The following MARCHF1 variants were observed in gnomAD, a reference collection of about 807,000 sequenced individuals.
MARCHF1 encodes membrane associated ring-CH-type finger 1, also known as E3 ubiquitin-protein ligase MARCHF1.
Under a neutral mutation model 54.2 loss-of-function variants are expected in MARCHF1, and 40 were observed. That is an observed-to-expected ratio of 0.74 (90% CI 0.57 to 0.96). MARCHF1 has a LOEUF of 0.96. MARCHF1 is among the 40% of genes least tolerant of loss of function. The pLI is 0.00. For synonymous variants in MARCHF1, 236 were observed against 236.3 expected (o/e 1.00, Z 0.01); for missense variants, 586 against 656.5 (o/e 0.89, Z 1.17).
chr4:164,112,541 T>C (rs570147684), intron 1 of MARCHF1, among the ~76,000 whole-genome samples: 2 of 152,068 alleles, frequency 1.3e-5, no homozygotes, highest in South Asian at 4.1e-4. Context: ...AGAGAAAACA[T>C]GACATTTTCA....
chr4:163,689,940 T>C (rs1469679141), intron 5 of MARCHF1, among the ~76,000 whole-genome samples: 1 of 152,206 alleles, frequency 6.6e-6, no homozygotes, highest in Non-Finnish European at 1.5e-5. Context: ...CCTGCCAGTG[T>C]TTCTTACTAT....
intron 4 of MARCHF1, among the ~76,000 whole-genome samples, chr4:163,845,704 G>A (rs1749466026): frequency 6.6e-6 from 1 of 152,098 alleles, no homozygotes; most frequent in African/African-American, 2.4e-5. Flanking sequence ...TTGATAAAGA[G>A]CAGCTGTGAA....
At chr4:163,776,556 T>C (rs920460812) in intron 4 of MARCHF1, among the ~76,000 whole-genome samples, 5 of 152,084 alleles carry the variant, frequency 3.3e-5, no homozygotes. Flanking sequence ...CATTTTGCCT[T>C]TGGTAATATA....
At chr4:164,031,708 T>C (rs1296811652) in intron 2 of MARCHF1, among the ~76,000 whole-genome samples, 1 of 152,204 alleles carries the variant, frequency 6.6e-6, no homozygotes, top group Non-Finnish European at 1.5e-5. Flanking sequence ...ATAAGCTTTG[T>C]GATGTGCTGC....
chr4:164,381,715 G>A (rs778810271), intron 1 of MARCHF1, among the ~76,000 whole-genome samples: 4 of 152,202 alleles, frequency 2.6e-5, no homozygotes, highest in Non-Finnish European at 4.4e-5. Flanking sequence ...TCAGAAGCTC[G>A]TACGTTCATA....
intron 1 of MARCHF1, chr4:164,330,209 C>A (rs1478270134): frequency 1.3e-5 from 2 of 151,824 alleles, no homozygotes; most frequent in Non-Finnish European, 2.9e-5. Context: ...AAGAAAAGGC[C>A]TTTTCACCTG....
intron 4 of MARCHF1, among the ~76,000 whole-genome samples, chr4:163,772,622 C>T (rs1027208470): frequency 7.9e-5 from 12 of 152,210 alleles, no homozygotes; most frequent in African/African-American, 2.9e-4. Context: ...TGCCATGTGG[C>T]ACCCTCCATC....
At chr4:163,646,213 A>G (rs1257055146) in intron 5 of MARCHF1, among the ~76,000 whole-genome samples, 1 of 151,674 alleles carries the variant, frequency 6.6e-6, no homozygotes, top group African/African-American at 2.4e-5. Context: ...GGAGGGAGTG[A>G]GATGTTATAT....
intron 1 of MARCHF1, among the ~76,000 whole-genome samples, chr4:164,378,522 A>T (rs1182789601): frequency 6.6e-6 from 1 of 152,208 alleles, no homozygotes; most frequent in Non-Finnish European, 1.5e-5. Context: ...CACCAGTAGA[A>T]GTTCAAGACA....
At chr4:164,219,056 G>C (rs6822326) in intron 1 of MARCHF1, among the ~76,000 whole-genome samples, 1 of 151,822 alleles carries the variant, frequency 6.6e-6, no homozygotes, top group African/African-American at 2.4e-5. Flanking sequence ...GTTCTTCCTC[G>C]AGAAATACAA....
At position 163,536,690 on chromosome 4, in the gene MARCHF1, C is replaced by A. The variant is rs547089080; in HGVS notation, c.1340-7644G>T. Among the ~76,000 whole-genome samples the A allele has an allele frequency of 2.0e-5, 3 of 152,206 alleles. No homozygotes were observed. In the South Asian group the frequency reaches 6.2e-4, roughly 32 times the overall value. On this transcript the variant is annotated intron_variant, in intron 9 of 9. Transcript: ENST00000514618. Reference sequence around the variant, plus strand: ...ATGGTAGACAATCTAAAGAAAAGTCCACTCAAGTTTCACCTCTCTTTCCAG... The same window carrying A: ...ATGGTAGACAATCTAAAGAAAAGTCAACTCAAGTTTCACCTCTCTTTCCAG...
intron 1 of MARCHF1, among the ~76,000 whole-genome samples, chr4:164,193,303 C>T (rs768106302): frequency 1.1e-4 from 16 of 151,894 alleles, no homozygotes; most frequent in Non-Finnish European, 2.2e-4. Context: ...CATGACTATT[C>T]TTCTGCTTGT....
At chr4:164,010,385 CTG>C (rs1266399248) in intron 2 of MARCHF1, among the ~76,000 whole-genome samples, 1 of 151,984 alleles carries the variant, frequency 6.6e-6, no homozygotes, top group African/African-American at 2.4e-5. Context: ...GAGTGAGCCA[CTG>C]TGCCCGGCCA....
At chr4:164,074,180 A>T (rs1385021790) in intron 2 of MARCHF1, among the ~76,000 whole-genome samples, 1 of 152,180 alleles carries the variant, frequency 6.6e-6, no homozygotes, top group Non-Finnish European at 1.5e-5. Flanking sequence ...CAACCTTCCC[A>T]TGCCAATAAC....
chr4:164,356,774 G>GCAAAAAAAAAAAAAA (rs1730556749), intron 1 of MARCHF1, among the ~76,000 whole-genome samples: 4 of 78,306 alleles, frequency 5.1e-5, no homozygotes, highest in Non-Finnish European at 7.3e-5. Flanking sequence ...AAAAAAAAAA[G>GCAAAAAAAAAAAAAA]AAAAGCAAAA....
chr4:163,601,467 G>A (rs1295984763), intron 7 of MARCHF1, among the ~76,000 whole-genome samples: 1 of 151,646 alleles, frequency 6.6e-6, no homozygotes, highest in Non-Finnish European at 1.5e-5. Flanking sequence ...ATTAAAGGAA[G>A]CACATAGTTC....
intron 3 of MARCHF1, among the ~76,000 whole-genome samples, chr4:163,929,993 AT>A (rs552266268): frequency 0.11 from 14,200 of 129,590 alleles, 905 homozygotes; most frequent in Non-Finnish European, 0.13. Flanking sequence ...TATATATATA[AT>A]ATATTATATA....
intron 7 of MARCHF1, among the ~76,000 whole-genome samples, chr4:163,602,598 G>A (rs1427896947): frequency 2.0e-5 from 3 of 152,068 alleles, no homozygotes; most frequent in Non-Finnish European, 4.4e-5. Flanking sequence ...ACAGGAGAAT[G>A]GTTGGTCTTT....
intron 2 of MARCHF1, among the ~76,000 whole-genome samples, chr4:164,003,342 C>T (rs535968991): frequency 3.4e-4 from 52 of 151,978 alleles, no homozygotes; most frequent in African/African-American, 1.2e-3. Flanking sequence ...AAAAGTCTTA[C>T]ACTTATATTA....
Sources: allele counts gnomAD v4.1 joint callset (sites outside exome capture counted in the v4.1 genomes callset), GRCh38; gene constraint gnomAD v4.1.1; transcripts MANE v1.5; gene names NCBI Gene and HGNC (gene_info 2026-07-23, HGNC 2026-07-21).